The following VTI1A variants were observed in gnomAD, a reference collection of about 807,000 sequenced individuals.
The protein encoded by VTI1A is vesicle transport through interaction with t-SNAREs homolog 1A.
Under a neutral mutation model 34.9 loss-of-function variants are expected in VTI1A, and 22 were observed. That is an observed-to-expected ratio of 0.63 (90% CI 0.45 to 0.90). VTI1A has a LOEUF of 0.90. Ranked by LOEUF, VTI1A falls within the 40% of genes least tolerant of loss-of-function variation. The probability of loss-of-function intolerance (pLI) is 0.00; values close to 1 mark genes in which losing one functional copy is unlikely to be tolerated. For missense variants in VTI1A, 268 were observed against 275.6 expected (o/e 0.97, Z 0.20); for synonymous variants, 87 against 97.3 (o/e 0.89, Z 0.62).
Position 112,447,233 on chromosome 10 carries a change from T to A in VTI1A, c.-141T>A. ...TTGCGACGAACAACCAGGAAGCGGCTGGGTTGAGAGCTGTCCCCGGTTCTC... is the reference window on the plus strand; with the variant it reads ...TTGCGACGAACAACCAGGAAGCGGCAGGGTTGAGAGCTGTCCCCGGTTCTC... On this transcript the variant is annotated 5_prime_UTR_variant, in exon 1 of 8. Transcript: ENST00000393077. 1.3e-6 allele frequency: 1 copy of A among 767,822 alleles called. No homozygotes were observed. The highest frequency in any genetic ancestry group is 2.0e-6 in the Non-Finnish European group (1 of 502,126). 47.6% of individuals were successfully genotyped at this position (767,822 alleles called of 1,614,324 possible).
At chr10:112,751,202 C>T (rs1283380855) in intron 7 of VTI1A, among the ~76,000 whole-genome samples, 1 of 152,046 alleles carries the variant, frequency 6.6e-6, no homozygotes, top group Non-Finnish European at 1.5e-5. Flanking sequence ...AAAAGAATTA[C>T]GACTGTGGTA....
At chr10:112,732,025 C>G (rs758583588) in intron 7 of VTI1A, among the ~76,000 whole-genome samples, 3 of 150,498 alleles carry the variant, frequency 2.0e-5, no homozygotes, top group African/African-American at 7.3e-5. Flanking sequence ...TACCCTTTAC[C>G]GAATCACCTT....
At chr10:112,578,213 G>A (rs1435299206) in intron 5 of VTI1A, among the ~76,000 whole-genome samples, 2 of 152,086 alleles carry the variant, frequency 1.3e-5, no homozygotes, top group Non-Finnish European at 2.9e-5. Context: ...ACTGAGGCTC[G>A]AATTAGGGCT....
intron 5 of VTI1A, among the ~76,000 whole-genome samples, chr10:112,638,209 A>T (rs1846433479): frequency 6.6e-6 from 1 of 152,234 alleles, no homozygotes; most frequent in Non-Finnish European, 1.5e-5. Flanking sequence ...TGGGCTGATT[A>T]TTGAAAATGC....
chr10:112,651,587 G>A (rs1166804085), intron 5 of VTI1A, among the ~76,000 whole-genome samples: 2 of 152,222 alleles, frequency 1.3e-5, no homozygotes, highest in Admixed American at 6.5e-5. Flanking sequence ...GGGATTACAG[G>A]CGTAAGCCAC....
intron 5 of VTI1A, among the ~76,000 whole-genome samples, chr10:112,604,993 C>T (rs1845020766): frequency 2.6e-5 from 4 of 152,122 alleles, no homozygotes; most frequent in African/African-American, 7.2e-5. Flanking sequence ...AAAATTTGTG[C>T]AGGAAAAATT....
chr10:112,523,086 A>G (rs1007844563), intron 3 of VTI1A, among the ~76,000 whole-genome samples: 13 of 152,034 alleles, frequency 8.6e-5, no homozygotes, highest in Admixed American at 4.6e-4. Context: ...CACAGTTTTT[A>G]ATTAGTTTAA....
At chr10:112,623,027 C>G (rs185041548) in intron 5 of VTI1A, among the ~76,000 whole-genome samples, 2 of 152,256 alleles carry the variant, frequency 1.3e-5, no homozygotes, top group East Asian at 1.9e-4. Context: ...GTGTATAATG[C>G]TCAGGATTGG....
chr10:112,640,780 A>G (rs1846539691), intron 5 of VTI1A, among the ~76,000 whole-genome samples: 1 of 152,202 alleles, frequency 6.6e-6, no homozygotes, highest in Admixed American at 6.5e-5. Flanking sequence ...TGTTTTATTT[A>G]AAGTGAATCA....
At position 112,539,851 on chromosome 10, in the gene VTI1A, C is replaced by T. The variant is rs559058933; in HGVS notation, c.427+1521C>T. On this transcript the variant is annotated intron_variant, in intron 5 of 7. Coordinates refer to ENST00000393077, the MANE Select transcript of VTI1A (RefSeq NM_145206.4). ...TTATTATTGTGTGGTCATTGACGAT[C>T]TACAGGCATTTATCTTTATCTCCTA... 2.6e-5 allele frequency among the ~76,000 whole-genome samples: 4 copies of T among 152,248 alleles called. 1 individual carries two copies. Among genetic ancestry groups the T allele is most frequent in the African/African-American group, 9.6e-5 (4 of 41,540 alleles).
chr10:112,669,139 G>C (rs954420332), intron 7 of VTI1A, 141 bp downstream of exon 7: 2 of 865,518 alleles, frequency 2.3e-6, no homozygotes, highest in Non-Finnish European at 3.5e-6. Flanking sequence ...TGAAATAACA[G>C]AGCACTGATG....
At chr10:112,534,403 G>T (rs144045957) in intron 4 of VTI1A, among the ~76,000 whole-genome samples, 4 of 151,904 alleles carry the variant, frequency 2.6e-5, no homozygotes, top group African/African-American at 9.7e-5. Flanking sequence ...GGCCTATATT[G>T]CAATTTAAAA....
At chr10:112,479,145 A>G (rs182181277) in intron 3 of VTI1A, among the ~76,000 whole-genome samples, 1 of 152,288 alleles carries the variant, frequency 6.6e-6, no homozygotes. Flanking sequence ...CCAGCCTGGC[A>G]ACAGAGCAAG....
At chr10:112,533,089 C>A (rs1024077213) in intron 4 of VTI1A, among the ~76,000 whole-genome samples, 1 of 152,032 alleles carries the variant, frequency 6.6e-6, no homozygotes, top group Non-Finnish European at 1.5e-5. Flanking sequence ...TAATCATTTT[C>A]ATTTGTAGGT....
At chr10:112,620,577 A>C (rs1251490707) in intron 5 of VTI1A, among the ~76,000 whole-genome samples, 1 of 152,014 alleles carries the variant, frequency 6.6e-6, no homozygotes, top group Non-Finnish European at 1.5e-5. Flanking sequence ...GATGACCTGA[A>C]GTCAGGAGTT....
At chr10:112,775,246 C>G (rs957247287) in intron 7 of VTI1A, among the ~76,000 whole-genome samples, 1 of 152,174 alleles carries the variant, frequency 6.6e-6, no homozygotes, top group Non-Finnish European at 1.5e-5. Context: ...TATAAAAATT[C>G]TTCAAAGTAC....
intron 7 of VTI1A, among the ~76,000 whole-genome samples, chr10:112,692,035 AT>A (rs1848632909): frequency 6.6e-6 from 1 of 152,260 alleles, no homozygotes; most frequent in South Asian, 2.1e-4. Flanking sequence ...AATTAATAAG[AT>A]AAAGATAGCT....
At chr10:112,692,629 A>T (rs1160711148) in intron 7 of VTI1A, among the ~76,000 whole-genome samples, 1 of 152,220 alleles carries the variant, frequency 6.6e-6, no homozygotes. Flanking sequence ...TTTCCTTTAA[A>T]TTGGCACAAT....
intron 7 of VTI1A, among the ~76,000 whole-genome samples, chr10:112,762,416 G>A (rs949596986): frequency 2.6e-5 from 4 of 152,144 alleles, no homozygotes; most frequent in African/African-American, 7.2e-5. Context: ...AGGTTCCTAC[G>A]AATTGGAATA....
Sources: allele counts gnomAD v4.1 joint callset (sites outside exome capture counted in the v4.1 genomes callset), GRCh38; gene constraint gnomAD v4.1.1; transcripts MANE v1.5; gene names NCBI Gene and HGNC (gene_info 2026-07-23, HGNC 2026-07-21).